The following HNRNPUL2 variants were observed in gnomAD, a reference collection of about 807,000 sequenced individuals.
HNRNPUL2 encodes heterogeneous nuclear ribonucleoprotein U like 2.
A neutral mutation model predicts 102.2 loss-of-function variants in HNRNPUL2; 27 were observed. The observed-to-expected ratio is 0.26, with a 90% confidence interval of 0.19 to 0.36. The LOEUF (loss-of-function observed/expected upper bound fraction) is 0.36. HNRNPUL2 is among the 10% of genes least tolerant of loss of function. The pLI is 1.00. For missense variants in HNRNPUL2, 936 were observed against 981.1 expected (o/e 0.95, Z 0.61); for synonymous variants, 458 against 387.2 (o/e 1.18, Z -2.15).
chr11:62,718,641 C>T (rs369183167), intron 10 of HNRNPUL2, among the ~76,000 whole-genome samples: 2 of 143,722 alleles, frequency 1.4e-5, no homozygotes, highest in African/African-American at 5.2e-5. Flanking sequence ...TGCAGTGAGC[C>T]GAGATCGCGC....
intron 5 of HNRNPUL2, 22 bp downstream of exon 5, chr11:62,722,791 G>C (rs780592180): frequency 6.2e-7 from 1 of 1,611,380 alleles, no homozygotes; most frequent in Non-Finnish European, 8.5e-7. Flanking sequence ...CACTAATGAG[G>C]AACTTAAAGA....
At chr11:62,721,254 A>C in intron 9 of HNRNPUL2, 41 bp downstream of exon 9, 1 of 1,563,982 alleles carries the variant, frequency 6.4e-7, no homozygotes, top group Non-Finnish European at 8.7e-7. Context: ...CTTTATATAC[A>C]CATCCCACCT....
chr11:62,716,006 T>C, intron 11 of HNRNPUL2, 69 bp from the exon 12 acceptor site: 1 of 1,302,202 alleles, frequency 7.7e-7, no homozygotes, highest in African/African-American at 1.5e-5. Context: ...TGGGTGGAAA[T>C]CAAAAACTTG....
Position 62,720,010 on chromosome 11 carries a change from C to G in HNRNPUL2, c.1780+13G>C. On this transcript the variant is annotated intron_variant, in intron 10 of 13. Transcript: ENST00000301785. ...TTCTGTTATAGCAGCAGAAAATGGA[C>G]TAAGACACCCACCTTTCATCTCCAG... 8 of 1,612,688 alleles carry G rather than the reference C, an allele frequency of 5.0e-6. No homozygotes were observed. The highest frequency in any genetic ancestry group is 6.8e-6 in the Non-Finnish European group (8 of 1,178,744).
Position 62,717,070 on chromosome 11 carries a change from G to A in HNRNPUL2, c.1900C>T (p.Pro634Ser). The stretch of plus-strand genomic sequence containing the variant: ...CGATTTGTCCGCTTCTCGGAGGGGG[G>A]CAGAAGCTTCCTTGCCTCCTCCTTG... ...KYKEEARKLL[P>S]PSEKRTNRRN... Residue 634 changes from proline (P) to serine (S), a missense_variant, in exon 11 of 14, where the codon CCC (proline) becomes TCC (serine). Transcript: ENST00000301785. 6 of 1,614,166 alleles carry A rather than the reference G, an allele frequency of 3.7e-6. No individual in the cohort carries two copies. The highest frequency in any genetic ancestry group is 2.2e-5 in the South Asian group (2 of 91,078).
rs199922825 is a variant in HNRNPUL2 at position 62,726,668 on chromosome 11, G to A, written c.489C>T (p.Asp163=). ...EEDEPEERSG[D]ETPGSEVPGD... is the part of the protein sequence containing the mutation. Reference sequence around the variant, plus strand: ...CCGGCACCTCGGATCCCGGCGTCTCGTCCCCGCTCCGCTCCTCGGGTTCGT... The same window carrying A: ...CCGGCACCTCGGATCCCGGCGTCTCATCCCCGCTCCGCTCCTCGGGTTCGT... Residue 163 remains aspartate, a synonymous_variant, in exon 1 of 14, where the codon GAC becomes GAT. Coordinates refer to ENST00000301785, the MANE Select transcript of HNRNPUL2 (RefSeq NM_001079559.3). The A allele has an allele frequency of 1.2e-4, 195 of 1,599,054 alleles. No homozygotes were observed. Among genetic ancestry groups the A allele is most frequent in the Admixed American group, 5.0e-5 (3 of 59,870 alleles).
intron 12 of HNRNPUL2, 36 bp from the exon 13 acceptor site, chr11:62,715,643 G>A: frequency 1.3e-6 from 2 of 1,525,738 alleles, no homozygotes; most frequent in Non-Finnish European, 1.8e-6. Flanking sequence ...GAAGGTTTAT[G>A]GGTTTTTGGC....
intron 12 of HNRNPUL2, 26 bp from the exon 13 acceptor site, chr11:62,715,633 G>A (rs1175202662): frequency 6.4e-7 from 1 of 1,558,356 alleles, no homozygotes; most frequent in Non-Finnish European, 8.9e-7. Flanking sequence ...AAAAAGGAGT[G>A]AAGGTTTATG....
chr11:62,719,510 C>A (rs1010827840), intron 10 of HNRNPUL2, among the ~76,000 whole-genome samples: 12 of 152,158 alleles, frequency 7.9e-5, no homozygotes, highest in African/African-American at 2.2e-4. Flanking sequence ...TCTCTCTGTT[C>A]ATTCATTTAT....
Position 62,714,331 on chromosome 11 carries a change from CGT to C in HNRNPUL2, c.*966_*967del, listed in dbSNP as rs2083642266. The C allele has an allele frequency of 6.6e-6, 1 of 152,174 alleles. No individual in the cohort carries two copies. Among genetic ancestry groups the C allele is most frequent in the Non-Finnish European group, 1.5e-5 (1 of 68,060 alleles). The allele number at this position is 152,174 out of a possible 1,614,324, so 9.4% of individuals were successfully genotyped here. ...AGTGAAAAGAATCCTGCTGTGTTTT[CGT>C]GTGAGCTGAAACCCTGAGAAACGTT... On this transcript the variant is annotated 3_prime_UTR_variant, in exon 14 of 14. Transcript: ENST00000301785.
Position 62,727,329 on chromosome 11 carries a change from C to T in HNRNPUL2, c.-173G>A. On this transcript the variant is annotated 5_prime_UTR_variant, in exon 1 of 14. Transcript: ENST00000301785. ...GGAGGCCGCGCACGGTCCCGCTGCG[C>T]AGTGTTTGCTTCTCCTTCGTCTCCC... The T allele has an allele frequency of 2.5e-6, 2 of 813,494 alleles. No homozygotes were observed. Among genetic ancestry groups the T allele is most frequent in the Non-Finnish European group, 3.2e-6 (2 of 615,542 alleles). The allele number at this position is 813,494 out of a possible 1,614,324, so 50.4% of individuals were successfully genotyped here.
intron 8 of HNRNPUL2, 113 bp from the exon 9 acceptor site, chr11:62,721,536 T>C (rs1272126540): frequency 5.9e-6 from 6 of 1,015,102 alleles, no homozygotes; most frequent in Non-Finnish European, 8.7e-6. Flanking sequence ...ATCTATGATA[T>C]CACTCTATTC....
In HNRNPUL2 at chr11:62,722,202, G is replaced by T. The variant is rs371263471; in HGVS notation, c.1274C>A (p.Pro425Gln). 6.2e-7 allele frequency: 1 copy of T among 1,614,130 alleles called. No individual in the cohort carries two copies. Among genetic ancestry groups the T allele is most frequent in the South Asian group, 1.1e-5 (1 of 91,074 alleles). Residue 425 changes from proline (P) to glutamine (Q), a missense_variant, in exon 7 of 14, where the codon CCA becomes CAA. Transcript: ENST00000301785. Reference sequence around the variant, plus strand: ...AGCATGAATGAACACAAACTCTTCTGGTGGTGGGAAGAAGGGCTCCTCCTT... The same window carrying T: ...AGCATGAATGAACACAAACTCTTCTTGTGGTGGGAAGAAGGGCTCCTCCTT... Reference protein sequence around the residue: ...GQKEEPFFPPPEEFVFIHAVP... With the variant: ...GQKEEPFFPPQEEFVFIHAVP...
At chr11:62,723,496 A>G in intron 4 of HNRNPUL2, 91 bp downstream of exon 4, 1 of 1,359,598 alleles carries the variant, frequency 7.4e-7, no homozygotes, top group Non-Finnish European at 1.0e-6. Context: ...CATCTCAAAA[A>G]AAAAGAGATA....
chr11:62,715,787 A>G, intron 12 of HNRNPUL2, 77 bp downstream of exon 12: 1 of 1,411,626 alleles, frequency 7.1e-7, no homozygotes, highest in Non-Finnish European at 1.0e-6. Flanking sequence ...GAAAACAGGC[A>G]AACCACTCTG....
In HNRNPUL2 at chr11:62,714,778, A is replaced by G. The variant is rs2083646375; in HGVS notation, c.*521T>C. On this transcript the variant is annotated 3_prime_UTR_variant, in exon 14 of 14. Transcript: ENST00000301785. ...TGGTGCAAGTGATTGATAAGAGCCAATCGTTTATTTTCACTGTCCCAGTCA... is the reference window on the plus strand; with the variant it reads ...TGGTGCAAGTGATTGATAAGAGCCAGTCGTTTATTTTCACTGTCCCAGTCA... 6.5e-6 allele frequency: 1 copy of G among 153,740 alleles called. No homozygotes were observed. Among genetic ancestry groups the G allele is most frequent in the African/African-American group, 2.4e-5 (1 of 41,434 alleles). 9.5% of individuals were successfully genotyped at this position (153,740 alleles called of 1,614,324 possible).
chr11:62,726,529 C>T, intron 1 of HNRNPUL2, 90 bp downstream of exon 1: 1 of 1,305,624 alleles, frequency 7.7e-7, no homozygotes, highest in Non-Finnish European at 1.0e-6. Flanking sequence ...CAAGCGAGAA[C>T]AAGGACTCGG....
chr11:62,726,552 A>G (rs1484666055), intron 1 of HNRNPUL2, 67 bp downstream of exon 1: 5 of 1,419,496 alleles, frequency 3.5e-6, no homozygotes, highest in South Asian at 1.4e-5. Context: ...CCTGCGGTGC[A>G]GGGCGGGGTG....
At position 62,715,064 on chromosome 11, in the gene HNRNPUL2, A is replaced by G. The variant is rs2083648388; in HGVS notation, c.*235T>C. The G allele has an allele frequency of 2.0e-6, 1 of 505,682 alleles. No homozygotes were observed. The highest frequency in any genetic ancestry group is 3.5e-5 in the Admixed American group (1 of 28,542). 31.3% of individuals were successfully genotyped at this position (505,682 alleles called of 1,614,324 possible). A position where few individuals can be genotyped will look rare whatever the true frequency, so the allele number is the denominator to read the frequency against. Reference sequence around the variant, plus strand: ...TCTCTAACTAGGTTTGAAATGTTTTATAGAATAAGACAATATTCTTTTCAA... The same window carrying G: ...TCTCTAACTAGGTTTGAAATGTTTTGTAGAATAAGACAATATTCTTTTCAA... On this transcript the variant is annotated 3_prime_UTR_variant, in exon 14 of 14. Transcript: ENST00000301785.
Sources: gnomAD v4.1 joint callset for allele counts (sites outside exome capture counted in the v4.1 genomes callset) on GRCh38, gnomAD v4.1.1 for gene constraint, MANE v1.5 for transcripts, NCBI Gene and HGNC (gene_info 2026-07-23, HGNC 2026-07-21) for gene names.